Variants in CCDC30 observed in about 807,000 individuals in gnomAD.
CCDC30 encodes the protein coiled-coil domain containing 30.
CCDC30 carries 70 observed loss-of-function variants against 100.2 expected under a neutral mutation model. The observed-to-expected ratio is 0.70, with a 90% confidence interval of 0.58 to 0.85. CCDC30 has a LOEUF of 0.85. CCDC30 is among the 40% of genes least tolerant of loss of function. CCDC30 has a pLI of 0.00. For synonymous variants in CCDC30, 233 were observed against 269.5 expected (o/e 0.86, Z 1.33); for missense variants, 652 against 771.2 (o/e 0.85, Z 1.83).
downstream of CCDC30, chr1:42,654,673 C>CA (rs1419095792): frequency 6.8e-6 from 1 of 146,956 alleles, no homozygotes; most frequent in African/African-American, 2.5e-5. Flanking sequence ...TCAAAAAAAG[C>CA]AAAAAACAAA....
upstream of CCDC30, among the ~76,000 whole-genome samples, chr1:42,463,108 A>G (rs1170046236): frequency 6.6e-6 from 1 of 152,232 alleles, no homozygotes; most frequent in African/African-American, 2.4e-5. Context: ...TCCAAAGCCA[A>G]TGGAATGAGT....
At chr1:42,459,755 G>A, upstream of CCDC30, 5 of 1,614,160 alleles carry the variant, frequency 3.1e-6, no homozygotes, top group Non-Finnish European at 4.2e-6. Context: ...ATCAAGTGGT[G>A]GTGGCTAATA....
intron 6 of CCDC30, chr1:42,500,444 C>T (rs1419364171): frequency 1.9e-5 from 14 of 739,296 alleles, no homozygotes; most frequent in African/African-American, 3.6e-5. Context: ...GACAGAGTCT[C>T]GCTCTGTCGC....
upstream of CCDC30, among the ~76,000 whole-genome samples, chr1:42,462,693 CATTT>C (rs1208452166): frequency 2.1e-4 from 32 of 152,220 alleles, 1 homozygote; most frequent in South Asian, 1.5e-3. Flanking sequence ...AATTTTGTGT[CATTT>C]ATAAGTTTTT....
intron 10 of CCDC30, among the ~76,000 whole-genome samples, chr1:42,607,208 G>A (rs967563946): frequency 3.3e-5 from 5 of 152,100 alleles, no homozygotes; most frequent in African/African-American, 9.7e-5. Flanking sequence ...AGTTATGATT[G>A]CACCTTTGTA....
intron 4 of CCDC30, among the ~76,000 whole-genome samples, chr1:42,495,441 T>A (rs1230351915): frequency 6.6e-6 from 1 of 151,670 alleles, no homozygotes; most frequent in Non-Finnish European, 1.5e-5. Context: ...CACCAGCATG[T>A]CACATGTATA....
chr1:42,490,313 G>T (rs969569393), intron 4 of CCDC30, 84 bp downstream of exon 4: 3 of 581,286 alleles, frequency 5.2e-6, no homozygotes, highest in Non-Finnish European at 7.5e-6. Context: ...GACTTGGGAG[G>T]CTTGGGCCCA....
intron 9 of CCDC30, among the ~76,000 whole-genome samples, chr1:42,585,820 A>C (rs959743410): frequency 6.6e-6 from 1 of 152,068 alleles, no homozygotes; most frequent in Non-Finnish European, 1.5e-5. Context: ...TTTATCCCAA[A>C]TATTTAGAAT....
chr1:42,648,788 C>T (rs115712089), intron 15 of CCDC30, among the ~76,000 whole-genome samples: 84 of 150,512 alleles, frequency 5.6e-4, no homozygotes, highest in African/African-American at 1.9e-3. Flanking sequence ...TAAACAAAAT[C>T]AACAAATCTT....
chr1:42,466,863 TCTTATGTAC>T (rs1311416290), intron 1 of CCDC30, among the ~76,000 whole-genome samples: 1 of 152,220 alleles, frequency 6.6e-6, no homozygotes, highest in East Asian at 1.9e-4. Flanking sequence ...AGAATAGTAT[TCTTATGTAC>T]TTTGTTGTGT....
At chr1:42,470,949 A>G (rs1378142102) in intron 1 of CCDC30, among the ~76,000 whole-genome samples, 4 of 152,208 alleles carry the variant, frequency 2.6e-5, no homozygotes, top group Admixed American at 2.0e-4. Context: ...TTAAAATGGT[A>G]AATTTTAAGT....
Position 42,598,127 on chromosome 1 carries a change from A to G in CCDC30, c.1164+8644A>G, listed in dbSNP as rs954621383. On this transcript the variant is annotated intron_variant, in intron 10 of 16. Transcript: ENST00000668663. ...AGGCTGCAGGAACCATGATTGTGCC[A>G]CTGCATTCTGGCCTGTGAAATAAAT... Among the ~76,000 whole-genome samples the G allele has an allele frequency of 1.3e-5, 2 of 152,294 alleles. 1 individual carries two copies. The highest frequency in any genetic ancestry group is 4.1e-4 in the South Asian group (2 of 4,824).
rs183302517 is a variant in CCDC30, at chr1:42,653,303, A to T, written c.1855-73A>T. 2.0e-3 allele frequency: 1,535 copies of T among 777,966 alleles called. 7 individuals are homozygous for T. Among genetic ancestry groups the T allele is most frequent in the African/African-American group, 0.015 (828 of 56,600 alleles). 48.2% of individuals were successfully genotyped at this position (777,966 alleles called of 1,614,324 possible). A position where few individuals can be genotyped will look rare whatever the true frequency, so the allele number is the denominator to read the frequency against. ...CAGGTATTGTATCTATTATATATAT[A>T]TTTTTTTCTAGGATCATATAGCTAA... On this transcript the variant is annotated intron_variant, in intron 15 of 16. Coordinates refer to ENST00000668663, the Ensembl canonical transcript of CCDC30.
chr1:42,546,402 AT>A (rs1248062844), intron 6 of CCDC30, among the ~76,000 whole-genome samples: 11 of 25,774 alleles, frequency 4.3e-4, no homozygotes, highest in African/African-American at 1.0e-3. Flanking sequence ...AAAAAAAAAT[AT>A]ATATATATAT....
At chr1:42,622,612 G>A (rs150674666) in intron 11 of CCDC30, among the ~76,000 whole-genome samples, 107 of 151,122 alleles carry the variant, frequency 7.1e-4, no homozygotes, top group African/African-American at 2.3e-3. Flanking sequence ...GATTACAGGC[G>A]TACTTATGCA....
At chr1:42,602,518 C>A (rs139610105) in intron 10 of CCDC30, among the ~76,000 whole-genome samples, 182 of 152,260 alleles carry the variant, frequency 1.2e-3, no homozygotes, top group African/African-American at 3.5e-3. Flanking sequence ...ATATTATGAA[C>A]AACTTTATGC....
intron 6 of CCDC30, among the ~76,000 whole-genome samples, chr1:42,550,719 A>G (rs1389275675): frequency 2.6e-5 from 4 of 152,078 alleles, no homozygotes; most frequent in South Asian, 2.1e-4. Context: ...TAATTATCTT[A>G]TTTGTTTGTG....
intron 7 of CCDC30, chr1:42,571,145 C>G (rs888500152): frequency 6.6e-6 from 1 of 152,198 alleles, no homozygotes; most frequent in Non-Finnish European, 1.5e-5. Flanking sequence ...CCCAAGAGGC[C>G]TTTACCTTTC....
chr1:42,597,512 A>G (rs1379402249), intron 10 of CCDC30, among the ~76,000 whole-genome samples: 1 of 152,214 alleles, frequency 6.6e-6, no homozygotes, highest in Non-Finnish European at 1.5e-5. Flanking sequence ...GTGGAGTGAA[A>G]TATTTAAAGT....
Sources: gnomAD v4.1 joint callset for allele counts (sites outside exome capture counted in the v4.1 genomes callset) on GRCh38, gnomAD v4.1.1 for gene constraint, MANE v1.5 for transcripts, NCBI Gene and HGNC (gene_info 2026-07-23, HGNC 2026-07-21) for gene names.